ANKS1B: variants seen among roughly 807,000 people sequenced by gnomAD.
ANKS1B encodes the protein ankyrin repeat and sterile alpha motif domain-containing protein 1B.
A neutral mutation model predicts 148.3 loss-of-function variants in ANKS1B; 36 were observed. That is an observed-to-expected ratio of 0.24 (90% confidence interval 0.19 to 0.32). The LOEUF (loss-of-function observed/expected upper bound fraction) is 0.32. Among genes scored for constraint, ANKS1B ranks in the 10% least tolerant of loss-of-function variants. The probability of loss-of-function intolerance (pLI) is 1.00; values close to 1 mark genes in which losing one functional copy is unlikely to be tolerated. For missense variants in ANKS1B, 1,157 were observed against 1,542.6 expected (o/e 0.75, Z 4.19); for synonymous variants, 542 against 560.8 (o/e 0.97, Z 0.47).
At chr12:99,598,112 T>C (rs188732848) in intron 9 of ANKS1B, among the ~76,000 whole-genome samples, 321 of 152,132 alleles carry the variant, frequency 2.1e-3, no homozygotes, top group African/African-American at 7.1e-3. Flanking sequence ...AGTCTGGAGA[T>C]GAGAGCTAAT....
intron 16 of ANKS1B, among the ~76,000 whole-genome samples, chr12:99,070,619 T>C (rs1404980243): frequency 6.6e-6 from 1 of 152,148 alleles, no homozygotes. Context: ...TTGCTTGGAG[T>C]GTCATGAGTT....
chr12:99,854,094 C>T (rs2088539177), intron 1 of ANKS1B, among the ~76,000 whole-genome samples: 1 of 152,222 alleles, frequency 6.6e-6, no homozygotes, highest in South Asian at 2.1e-4. Context: ...CATGTGCAAG[C>T]TCCGCCTCCT....
intron 17 of ANKS1B, among the ~76,000 whole-genome samples, chr12:98,925,585 C>G (rs1407659745): frequency 6.6e-6 from 1 of 152,084 alleles, no homozygotes; most frequent in Non-Finnish European, 1.5e-5. Flanking sequence ...TGGCTGAATC[C>G]CAGTAAAAAC....
At chr12:99,337,429 C>T (rs1603117118) in intron 12 of ANKS1B, among the ~76,000 whole-genome samples, 1 of 152,022 alleles carries the variant, frequency 6.6e-6, no homozygotes, top group South Asian at 2.1e-4. Flanking sequence ...CAAAGAGTTT[C>T]CTCAAAACAG....
chr12:99,298,974 A>C (rs1162442886), intron 12 of ANKS1B, among the ~76,000 whole-genome samples: 3 of 152,146 alleles, frequency 2.0e-5, no homozygotes, highest in African/African-American at 4.8e-5. Context: ...ATCTGGAAAC[A>C]CAAGGCTATA....
chr12:98,948,075 T>C (rs982960193), intron 17 of ANKS1B, among the ~76,000 whole-genome samples: 2 of 152,172 alleles, frequency 1.3e-5, no homozygotes, highest in African/African-American at 4.8e-5. Context: ...AAAAAACCCT[T>C]GGAAAGGACA....
At chr12:99,547,990 T>C (rs2097186225) in intron 9 of ANKS1B, among the ~76,000 whole-genome samples, 1 of 152,136 alleles carries the variant, frequency 6.6e-6, no homozygotes, top group Non-Finnish European at 1.5e-5. Flanking sequence ...GGCAATAAAC[T>C]AAATAAAAAT....
chr12:99,595,542 G>A (rs1020195152), intron 9 of ANKS1B, among the ~76,000 whole-genome samples: 25 of 151,798 alleles, frequency 1.6e-4, no homozygotes, highest in African/African-American at 6.0e-4. Flanking sequence ...GTATTAGTAT[G>A]TATCAACTCA....
In ANKS1B at chr12:99,157,756, C is replaced by T. The variant is rs573638916; in HGVS notation, c.2420-3361G>A. ...TACACTAAAAGCCCAGACCTCACCA[C>T]TTTGGATATATCCATGTAACAAATC... On this transcript the variant is annotated intron_variant, in intron 14 of 26. Coordinates refer to ENST00000683438, the MANE Select transcript of ANKS1B (RefSeq NM_001352186.2). Among the ~76,000 whole-genome samples the T allele has an allele frequency of 2.6e-5, 4 of 152,224 alleles. No homozygotes were observed. In the South Asian group the frequency reaches 8.3e-4, roughly 32 times the overall value.
At chr12:99,460,967 T>C (rs1160710586) in intron 10 of ANKS1B, among the ~76,000 whole-genome samples, 1 of 151,772 alleles carries the variant, frequency 6.6e-6, no homozygotes, top group African/African-American at 2.4e-5. Context: ...GCAGCACAAT[T>C]CACAATTGCA....
chr12:99,827,628 C>G (rs966897312), intron 1 of ANKS1B, among the ~76,000 whole-genome samples: 6 of 152,098 alleles, frequency 3.9e-5, no homozygotes, highest in African/African-American at 1.4e-4. Context: ...CTATATGTAT[C>G]CCATAACATG....
At chr12:99,790,618 A>G (rs1345151803) in intron 4 of ANKS1B, among the ~76,000 whole-genome samples, 2 of 152,132 alleles carry the variant, frequency 1.3e-5, no homozygotes, top group African/African-American at 4.8e-5. Context: ...GTTAGGTGGC[A>G]AAGTTAAACT....
chr12:99,443,902 A>G (rs2095590695), intron 10 of ANKS1B, 93 bp from the exon 11 acceptor site: 1 of 1,379,208 alleles, frequency 7.3e-7, no homozygotes, highest in Admixed American at 2.3e-5. Context: ...TGAGATTTCA[A>G]CTTTTAAAAC....
At chr12:99,140,922 T>A (rs1056354126) in intron 15 of ANKS1B, among the ~76,000 whole-genome samples, 1 of 152,116 alleles carries the variant, frequency 6.6e-6, no homozygotes, top group Admixed American at 6.6e-5. Context: ...CATTATTCAC[T>A]AGAAAACAGA....
At chr12:99,451,942 G>A (rs1306064088) in intron 10 of ANKS1B, among the ~76,000 whole-genome samples, 1 of 151,994 alleles carries the variant, frequency 6.6e-6, no homozygotes, top group African/African-American at 2.4e-5. Context: ...GCCTTATTAT[G>A]GAAAATCCTA....
At chr12:98,882,294 C>T (rs992749432) in intron 17 of ANKS1B, among the ~76,000 whole-genome samples, 8 of 152,040 alleles carry the variant, frequency 5.3e-5, no homozygotes, top group Non-Finnish European at 7.4e-5. Flanking sequence ...GTATTAGAAA[C>T]AATAAGTGAT....
At chr12:99,184,478 TA>T (rs1000519599) in intron 14 of ANKS1B, among the ~76,000 whole-genome samples, 9 of 152,186 alleles carry the variant, frequency 5.9e-5, no homozygotes, top group Non-Finnish European at 1.0e-4. Context: ...CCCCTAGACC[TA>T]GAGTTAGAGA....
intron 17 of ANKS1B, among the ~76,000 whole-genome samples, chr12:98,891,916 T>C (rs898125363): frequency 6.6e-6 from 1 of 152,214 alleles, no homozygotes; most frequent in African/African-American, 2.4e-5. Context: ...TATAGTTTGA[T>C]TACTAGCACT....
intron 8 of ANKS1B, among the ~76,000 whole-genome samples, chr12:99,663,956 T>C (rs962896336): frequency 6.6e-6 from 1 of 152,184 alleles, no homozygotes; most frequent in African/African-American, 2.4e-5. Flanking sequence ...TTTGCTATTC[T>C]ACTTATATAC....
Sources: gnomAD v4.1 joint callset for allele counts (sites outside exome capture counted in the v4.1 genomes callset) on GRCh38, gnomAD v4.1.1 for gene constraint, MANE v1.5 for transcripts, NCBI Gene and HGNC (gene_info 2026-07-23, HGNC 2026-07-21) for gene names.